Variants in SFXN5 observed in about 807,000 individuals in gnomAD.
The protein encoded by SFXN5 is sideroflexin-5.
A neutral mutation model predicts 50.2 loss-of-function variants in SFXN5; 43 were observed. The observed-to-expected ratio is 0.86, with a 90% CI of 0.67 to 1.11. The LOEUF is 1.11. SFXN5 is among the 50% of genes least tolerant of loss of function. The pLI, the probability that SFXN5 is intolerant of heterozygous loss-of-function variation, is 0.00. For synonymous variants in SFXN5, 203 were observed against 185.8 expected (o/e 1.09, Z -0.75); for missense variants, 463 against 454.1 (o/e 1.02, Z -0.18).
intron 6 of SFXN5, among the ~76,000 whole-genome samples, chr2:73,012,928 C>T (rs145210573): frequency 4.3e-4 from 65 of 152,082 alleles, no homozygotes; most frequent in African/African-American, 1.4e-3. Flanking sequence ...TATAATGCAA[C>T]CTCTCTGTAC....
chr2:73,025,940 G>A (rs1261179407), intron 3 of SFXN5, among the ~76,000 whole-genome samples: 1 of 152,172 alleles, frequency 6.6e-6, no homozygotes, highest in Non-Finnish European at 1.5e-5. Context: ...GAGTGCTGAG[G>A]CTCTAAAGGA....
intron 3 of SFXN5, among the ~76,000 whole-genome samples, chr2:73,029,365 A>G (rs1559175168): frequency 6.6e-6 from 1 of 152,234 alleles, no homozygotes; most frequent in East Asian, 1.9e-4. Flanking sequence ...TATATAAAAT[A>G]TTTGACTCAT....
chr2:73,047,219 TAAAAAAAAAAAAAAA>T (rs748772614), intron 2 of SFXN5, among the ~76,000 whole-genome samples: 18 of 27,508 alleles, frequency 6.5e-4, no homozygotes, highest in Admixed American at 3.7e-3. Flanking sequence ...CTCCATCTCG[TAAAAAAAAAAAAAAA>T]AAAAAAAAAA....
At chr2:73,013,458 A>T (rs796219540) in intron 6 of SFXN5, among the ~76,000 whole-genome samples, 2 of 150,980 alleles carry the variant, frequency 1.3e-5, no homozygotes, top group African/African-American at 4.9e-5. Context: ...AGAGATAGAG[A>T]TGATATCAAG....
At chr2:72,993,081 C>T (rs1288393061) in intron 9 of SFXN5, among the ~76,000 whole-genome samples, 5 of 152,178 alleles carry the variant, frequency 3.3e-5, no homozygotes, top group Admixed American at 1.3e-4. Context: ...GACTCTATTG[C>T]ATCAGTCATT....
chr2:72,981,845 C>T (rs985635692), intron 10 of SFXN5, among the ~76,000 whole-genome samples: 1 of 152,134 alleles, frequency 6.6e-6, no homozygotes, highest in Admixed American at 6.5e-5. Context: ...ACACCATTTC[C>T]GTACATAATT....
At chr2:73,069,171 G>T (rs1301171845) in intron 1 of SFXN5, among the ~76,000 whole-genome samples, 2 of 152,136 alleles carry the variant, frequency 1.3e-5, no homozygotes, top group Admixed American at 1.3e-4. Context: ...CAAGGGCGTA[G>T]GGAGTCCCTT....
At chr2:72,969,334 T>C (rs1674872689) in intron 11 of SFXN5, among the ~76,000 whole-genome samples, 1 of 152,226 alleles carries the variant, frequency 6.6e-6, no homozygotes, top group Non-Finnish European at 1.5e-5. Flanking sequence ...CCAGTGGGGC[T>C]CATGGAGCCA....
chr2:72,962,046 G>C (rs892805052), intron 12 of SFXN5, among the ~76,000 whole-genome samples: 2 of 152,234 alleles, frequency 1.3e-5, no homozygotes, highest in Non-Finnish European at 2.9e-5. Flanking sequence ...CCCAGACAGC[G>C]TGGGGACATA....
At chr2:72,988,129 C>T (rs1672129811) in intron 10 of SFXN5, 129 bp downstream of exon 10, 12 of 759,988 alleles carry the variant, frequency 1.6e-5, no homozygotes, top group Non-Finnish European at 2.1e-6. Context: ...AAACATATTA[C>T]ACCAATTCTC....
chr2:73,020,019 A>C (rs6546796), intron 6 of SFXN5: 150,929 of 518,338 alleles, frequency 0.29, 27,726 homozygotes, highest in African/African-American at 0.64. Flanking sequence ...TTTTCAACTC[A>C]ACGCTGGATT....
intron 2 of SFXN5, among the ~76,000 whole-genome samples, chr2:73,053,868 C>T (rs1157804038): frequency 3.3e-5 from 5 of 152,256 alleles, no homozygotes; most frequent in Admixed American, 6.5e-5. Context: ...GCAACCACCC[C>T]GTGCTCCCTC....
intron 3 of SFXN5, among the ~76,000 whole-genome samples, chr2:73,024,105 C>A (rs528797878): frequency 1.7e-3 from 252 of 151,194 alleles, no homozygotes; most frequent in Middle Eastern, 6.8e-3. Flanking sequence ...TTCACTGCAA[C>A]CTCTGTCTCC....
intron 3 of SFXN5, among the ~76,000 whole-genome samples, chr2:73,028,870 A>G (rs952885851): frequency 6.6e-6 from 1 of 152,202 alleles, no homozygotes; most frequent in East Asian, 1.9e-4. Flanking sequence ...GGATACAATG[A>G]AAAAGAGGGA....
intron 13 of SFXN5, among the ~76,000 whole-genome samples, chr2:72,959,188 T>C (rs112103417): frequency 4.8e-4 from 73 of 152,312 alleles, no homozygotes; most frequent in African/African-American, 1.8e-3. Context: ...CCTCGCCTTC[T>C]TGTGAGCTCA....
At chr2:73,055,435 C>T (rs1316910071) in intron 2 of SFXN5, among the ~76,000 whole-genome samples, 1 of 152,280 alleles carries the variant, frequency 6.6e-6, no homozygotes. Context: ...CTTAGGGCTG[C>T]TTTGAGTTAA....
intron 2 of SFXN5, among the ~76,000 whole-genome samples, chr2:73,043,022 C>T (rs750723652): frequency 3.9e-5 from 6 of 152,108 alleles, no homozygotes; most frequent in Non-Finnish European, 7.4e-5. Flanking sequence ...GAGCTGAGAT[C>T]GCACCACTGC....
At chr2:73,027,576 C>CCACT (rs1042923157) in intron 3 of SFXN5, among the ~76,000 whole-genome samples, 1 of 152,176 alleles carries the variant, frequency 6.6e-6, no homozygotes, top group Non-Finnish European at 1.5e-5. Flanking sequence ...CATTCACTGA[C>CCACT]CACTCACTCA....
At chr2:73,068,675 G>A (rs781147547) in intron 1 of SFXN5, among the ~76,000 whole-genome samples, 2 of 152,072 alleles carry the variant, frequency 1.3e-5, no homozygotes, top group Non-Finnish European at 2.9e-5. Context: ...CAGGCACTGT[G>A]CTGAGCCTTG....
Sources: allele counts gnomAD v4.1 joint callset (sites outside exome capture counted in the v4.1 genomes callset), GRCh38; gene constraint gnomAD v4.1.1; transcripts MANE v1.5; gene names NCBI Gene and HGNC (gene_info 2026-07-23, HGNC 2026-07-21).